VPS13B: variants seen among roughly 807,000 people sequenced by gnomAD.
VPS13B encodes vacuolar protein sorting 13 homolog B, also known as intermembrane lipid transfer protein VPS13B.
Under a neutral mutation model 426.4 loss-of-function variants are expected in VPS13B, and 285 were observed. That is an observed-to-expected ratio of 0.67 (90% CI 0.61 to 0.74). The LOEUF (loss-of-function observed/expected upper bound fraction) is 0.74. Among genes scored for constraint, VPS13B ranks in the 30% least tolerant of loss-of-function variants. The pLI is 0.00. For synonymous variants in VPS13B, 1,676 were observed against 1,676.4 expected, an observed-to-expected ratio of 1.00 and a Z score of 0.01; for missense variants, 4,537 against 4,782.6, an observed-to-expected ratio of 0.95 and a Z score of 1.51.
At position 99,854,102 on chromosome 8, in the gene VPS13B, C is replaced by T. The variant is rs756468150; in HGVS notation, c.10713C>T (p.Leu3571=). Residue 3571 remains leucine, a synonymous_variant, in exon 56 of 62, where the codon CTC becomes CTT. Transcript: ENST00000357162. ...TGGTGATCCAGCCAGTAAATTTGCT[C>T]GTCAGCATCCACGCTTCCCTCAAGC... ...RKLVIQPVNL[L]VSIHASLKLY... is the part of the protein sequence containing the mutation. 2.9e-5 allele frequency: 47 copies of T among 1,612,748 alleles called. No individual in the cohort carries two copies. The highest frequency in any genetic ancestry group is 3.8e-5 in the Non-Finnish European group (45 of 1,179,194).
In VPS13B at chr8:99,261,477, T is replaced by A. The variant is rs1302744132; in HGVS notation, c.2516-12721T>A. Among the ~76,000 whole-genome samples the A allele has an allele frequency of 2.0e-5, 3 of 152,172 alleles. No homozygotes were observed. The East Asian group carries it at 5.8e-4, about 29-fold the overall frequency. ...TTATTCATTCACCTACTAAGGGACATCTTGGTTGCTTTCGTGTTTTGGCAA... is the reference window on the plus strand; with the variant it reads ...TTATTCATTCACCTACTAAGGGACAACTTGGTTGCTTTCGTGTTTTGGCAA... On this transcript the variant is annotated intron_variant, in intron 17 of 61. Transcript: ENST00000357162.
intron 19 of VPS13B, among the ~76,000 whole-genome samples, chr8:99,309,763 T>A (rs894352282): frequency 1.3e-5 from 2 of 152,304 alleles, no homozygotes; most frequent in South Asian, 2.1e-4. Context: ...ATCTATAAAT[T>A]ACCGTGGCCA....
intron 34 of VPS13B, among the ~76,000 whole-genome samples, chr8:99,650,462 T>C (rs1829763508): frequency 6.6e-6 from 1 of 152,186 alleles, no homozygotes; most frequent in Non-Finnish European, 1.5e-5. Context: ...TATATATGTA[T>C]AGTTAAATAT....
At chr8:99,434,169 G>T (rs760836797) in intron 22 of VPS13B, among the ~76,000 whole-genome samples, 4 of 152,066 alleles carry the variant, frequency 2.6e-5, no homozygotes, top group Admixed American at 6.6e-5. Flanking sequence ...TTTTGATTAA[G>T]ATCAAAATTC....
chr8:99,740,783 TG>T (rs1271564053), intron 39 of VPS13B, among the ~76,000 whole-genome samples: 1 of 152,190 alleles, frequency 6.6e-6, no homozygotes, highest in Non-Finnish European at 1.5e-5. Flanking sequence ...TGAGAGATTT[TG>T]TCACCACCAG....
intron 27 of VPS13B, among the ~76,000 whole-genome samples, chr8:99,505,012 T>C (rs1297766828): frequency 6.6e-6 from 1 of 152,256 alleles, no homozygotes; most frequent in Non-Finnish European, 1.5e-5. Flanking sequence ...TGCACATTAA[T>C]GTTATAGAGA....
At chr8:99,397,319 A>AT (rs1814786853) in intron 21 of VPS13B, among the ~76,000 whole-genome samples, 4 of 151,918 alleles carry the variant, frequency 2.6e-5, no homozygotes, top group African/African-American at 9.7e-5. Context: ...TAATTTTTGT[A>AT]TTTTTAGTAG....
intron 17 of VPS13B, among the ~76,000 whole-genome samples, chr8:99,254,680 G>A (rs1349496986): frequency 1.3e-5 from 2 of 151,898 alleles, no homozygotes; most frequent in East Asian, 3.9e-4. Flanking sequence ...ATCTCACTGT[G>A]TCACCCAGGC....
chr8:99,691,025 C>T (rs1430132969), intron 35 of VPS13B, among the ~76,000 whole-genome samples: 4 of 152,042 alleles, frequency 2.6e-5, no homozygotes, highest in Non-Finnish European at 4.4e-5. Flanking sequence ...TACTGTTCAG[C>T]CACAAAATGG....
chr8:99,398,291 A>G (rs1424362781), intron 21 of VPS13B, among the ~76,000 whole-genome samples: 1 of 152,190 alleles, frequency 6.6e-6, no homozygotes, highest in East Asian at 1.9e-4. Context: ...GAGTAAGGAG[A>G]AGGAGCCAAT....
chr8:99,863,059 C>T (rs1222386595), intron 58 of VPS13B, among the ~76,000 whole-genome samples: 1 of 152,140 alleles, frequency 6.6e-6, no homozygotes, highest in East Asian at 1.9e-4. Context: ...AGACCTTGGG[C>T]TAGGGTGTTC....
Position 99,477,811 on chromosome 8 carries a change from CTG to C in VPS13B, c.3667-3784_3667-3783del, listed in dbSNP as rs1378561986. On this transcript the variant is annotated intron_variant, in intron 24 of 61. Transcript: ENST00000357162. The stretch of plus-strand genomic sequence containing the variant: ...CATTGCCATTCAGTGTTCTTAGACA[CTG>C]TGTATATTTATCTGGGTTGAATATT... 2.6e-5 allele frequency among the ~76,000 whole-genome samples: 4 copies of C among 152,262 alleles called. No homozygotes were observed. The East Asian group carries it at 7.7e-4, about 29-fold the overall frequency.
rs1366063365 is a variant in VPS13B, at chr8:99,392,637, A to C, written c.3082+933A>C. Reference sequence around the variant, plus strand: ...CCCTTAAAGAATTTAAAATATAATCATATATGCAAGGAAATTCAAATTAGC... The same window carrying C: ...CCCTTAAAGAATTTAAAATATAATCCTATATGCAAGGAAATTCAAATTAGC... On this transcript the variant is annotated intron_variant, in intron 21 of 61. Coordinates refer to ENST00000357162, the MANE Select transcript of VPS13B (RefSeq NM_152564.5). 3.3e-5 allele frequency among the ~76,000 whole-genome samples: 5 copies of C among 152,158 alleles called. No individual in the cohort carries two copies. The East Asian group carries it at 7.7e-4, about 23-fold the overall frequency.
At chr8:99,868,007 A>T in intron 58 of VPS13B, 1 of 398,540 alleles carries the variant, frequency 2.5e-6, no homozygotes, top group Non-Finnish European at 4.8e-6. Context: ...TGTATGGATG[A>T]CACTCTGAAT....
intron 17 of VPS13B, among the ~76,000 whole-genome samples, chr8:99,220,956 A>C (rs1815683209): frequency 1.2e-5 from 1 of 82,596 alleles, no homozygotes; most frequent in Non-Finnish European, 2.4e-5. Flanking sequence ...ACCCCACCAC[A>C]GTCCCCAGAG....
intron 44 of VPS13B, among the ~76,000 whole-genome samples, chr8:99,812,387 C>G (rs1282481028): frequency 6.6e-6 from 1 of 152,182 alleles, no homozygotes; most frequent in Non-Finnish European, 1.5e-5. Context: ...CACATCTTGG[C>G]TTCTTTCCTT....
At chr8:99,696,124 G>T in intron 35 of VPS13B, 1 of 161,630 alleles carries the variant, frequency 6.2e-6, no homozygotes, top group South Asian at 1.7e-4. Flanking sequence ...GAGTGCCATG[G>T]ACCTCTGCCA....
chr8:99,590,451 C>T (rs1563812825), intron 33 of VPS13B, among the ~76,000 whole-genome samples: 1 of 152,054 alleles, frequency 6.6e-6, no homozygotes, highest in East Asian at 1.9e-4. Flanking sequence ...TAGATCTTTC[C>T]TGATTTCTCT....
In VPS13B at chr8:99,661,210, G is replaced by A. The variant is rs1254751318; in HGVS notation, c.5909-144G>A. 3 of 975,412 alleles carry A rather than the reference G, an allele frequency of 3.1e-6. No homozygotes were observed. The African/African-American group carries it at 4.8e-5, about 16-fold the overall frequency. The allele number at this position is 975,412 out of a possible 1,614,324, so 60.4% of individuals were successfully genotyped here. A position where few individuals can be genotyped will look rare whatever the true frequency, so the allele number is the denominator to read the frequency against. On this transcript the variant is annotated intron_variant, in intron 34 of 61. Coordinates refer to ENST00000357162, the MANE Select transcript of VPS13B (RefSeq NM_152564.5). ...TTTTCAGCGCGAGTGCTTGTTTACT[G>A]TATGTGCACAAACAAATGAAACAAT...
Sources: allele counts gnomAD v4.1 joint callset (sites outside exome capture counted in the v4.1 genomes callset), GRCh38; gene constraint gnomAD v4.1.1; transcripts MANE v1.5; gene names NCBI Gene and HGNC (gene_info 2026-07-23, HGNC 2026-07-21).